The following PTPRD variants were observed in gnomAD, a reference collection of about 807,000 sequenced individuals.
PTPRD encodes the protein protein tyrosine phosphatase receptor type D, also known as receptor-type tyrosine-protein phosphatase delta.
PTPRD carries 34 observed loss-of-function variants against 214.5 expected under a neutral mutation model. The observed-to-expected ratio is 0.16, with a 90% confidence interval of 0.12 to 0.21. PTPRD has a LOEUF of 0.21. Among genes scored for constraint, PTPRD ranks in the 10% least tolerant of loss-of-function variants. The pLI is 1.00. For synonymous variants in PTPRD, 1,128 were observed against 845.7 expected (o/e 1.33, Z -5.79); for missense variants, 2,545 against 2,398.7 (o/e 1.06, Z -1.27).
intron 8 of PTPRD, among the ~76,000 whole-genome samples, chr9:9,407,883 G>C (rs1315772683): frequency 6.6e-6 from 1 of 151,668 alleles, no homozygotes; most frequent in Non-Finnish European, 1.5e-5. Context: ...TAATTATCTT[G>C]TAAAATTTTG....
At chr9:9,695,845 T>C (rs147900684) in intron 7 of PTPRD, among the ~76,000 whole-genome samples, 17 of 152,356 alleles carry the variant, frequency 1.1e-4, no homozygotes, top group African/African-American at 2.4e-4. Flanking sequence ...ATCAGGAATA[T>C]TGACCTGTAG....
At chr9:8,449,880 A>G (rs1180644461) in intron 33 of PTPRD, 43 bp from the exon 34 acceptor site, 3 of 1,582,236 alleles carry the variant, frequency 1.9e-6, no homozygotes, top group African/African-American at 2.7e-5. Flanking sequence ...AGAAAAATCA[A>G]TTGAAACAGA....
intron 11 of PTPRD, among the ~76,000 whole-genome samples, chr9:8,813,678 C>G (rs560908199): frequency 1.6e-4 from 24 of 152,324 alleles, no homozygotes; most frequent in African/African-American, 5.3e-4. Context: ...GGGCCTTCCT[C>G]CTCTCTCCTT....
chr9:8,493,186 A>T (rs2097186133), intron 26 of PTPRD, among the ~76,000 whole-genome samples: 1 of 152,202 alleles, frequency 6.6e-6, no homozygotes, highest in Admixed American at 6.5e-5. Flanking sequence ...CTTGGGAGGT[A>T]GATCTTAGGG....
intron 11 of PTPRD, among the ~76,000 whole-genome samples, chr9:8,949,093 G>A (rs1016151800): frequency 2.0e-5 from 3 of 151,354 alleles, no homozygotes; most frequent in Non-Finnish European, 3.0e-5. Flanking sequence ...GTGTAGTGGC[G>A]GGCACCTGTA....
chr9:9,524,904 C>CTGGA (rs1188703787), intron 8 of PTPRD, among the ~76,000 whole-genome samples: 1 of 152,204 alleles, frequency 6.6e-6, no homozygotes, highest in Admixed American at 6.5e-5. Context: ...GTTGCCCAGG[C>CTGGA]TGGAGTACAG....
At chr9:9,628,308 G>A (rs189871257) in intron 7 of PTPRD, among the ~76,000 whole-genome samples, 4 of 152,118 alleles carry the variant, frequency 2.6e-5, no homozygotes, top group Admixed American at 2.6e-4. Flanking sequence ...CTCTTACAGG[G>A]GCTTATTCCA....
intron 11 of PTPRD, among the ~76,000 whole-genome samples, chr9:8,786,033 TTGTGTGTG>T (rs34200290): frequency 9.1e-4 from 130 of 143,326 alleles, no homozygotes; most frequent in African/African-American, 3.3e-3. Flanking sequence ...GCTTAATTTG[TTGTGTGTG>T]TGTGTGTGTG....
intron 2 of PTPRD, among the ~76,000 whole-genome samples, chr9:10,400,056 C>A (rs1287239488): frequency 6.6e-6 from 1 of 151,722 alleles, no homozygotes; most frequent in Non-Finnish European, 1.5e-5. Flanking sequence ...TTAGTTATGT[C>A]CTATTTTATA....
At chr9:9,035,487 G>A (rs750270363) in intron 10 of PTPRD, among the ~76,000 whole-genome samples, 1 of 152,128 alleles carries the variant, frequency 6.6e-6, no homozygotes, top group Non-Finnish European at 1.5e-5. Context: ...GAAGGCAGGA[G>A]CCTAACATCA....
At chr9:10,202,497 G>T (rs2099430116) in intron 3 of PTPRD, among the ~76,000 whole-genome samples, 1 of 150,406 alleles carries the variant, frequency 6.6e-6, no homozygotes, top group East Asian at 2.0e-4. Flanking sequence ...AAAAAACTTT[G>T]CATCTTTTTA....
chr9:9,840,759 T>G (rs1478323608), intron 5 of PTPRD, among the ~76,000 whole-genome samples: 2 of 54,594 alleles, frequency 3.7e-5, no homozygotes, highest in Non-Finnish European at 5.6e-5. Flanking sequence ...AAGACTCCGT[T>G]TCAAAAAAAA....
intron 2 of PTPRD, among the ~76,000 whole-genome samples, chr9:10,367,966 C>A (rs2097544392): frequency 6.6e-6 from 1 of 151,988 alleles, no homozygotes; most frequent in Non-Finnish European, 1.5e-5. Flanking sequence ...TGAGTAACAG[C>A]CATTACTGTT....
chr9:9,402,446 C>A (rs10759059), intron 8 of PTPRD, among the ~76,000 whole-genome samples: 129,147 of 152,038 alleles, frequency 0.85, 54,969 homozygotes, highest in Non-Finnish European at 0.87. Flanking sequence ...CAAAAAATTT[C>A]TTCCTGTGTT....
At chr9:9,095,607 G>A (rs1486705154) in intron 10 of PTPRD, among the ~76,000 whole-genome samples, 3 of 152,054 alleles carry the variant, frequency 2.0e-5, no homozygotes, top group African/African-American at 7.3e-5. Context: ...TGGAATTATA[G>A]ACGAGCCACC....
At chr9:9,292,734 T>C (rs573200698) in intron 9 of PTPRD, among the ~76,000 whole-genome samples, 1 of 151,652 alleles carries the variant, frequency 6.6e-6, no homozygotes, top group South Asian at 2.1e-4. Context: ...TAGGTTCCTC[T>C]TGGCTGCGAC....
intron 10 of PTPRD, among the ~76,000 whole-genome samples, chr9:9,105,977 C>G (rs572443019): frequency 5.3e-5 from 8 of 152,074 alleles, no homozygotes; most frequent in Admixed American, 5.2e-4. Context: ...CTCTGTAGAC[C>G]TGCAGGGTCT....
chr9:9,788,592 C>G (rs901510247), intron 5 of PTPRD, among the ~76,000 whole-genome samples: 3 of 143,804 alleles, frequency 2.1e-5, no homozygotes, highest in African/African-American at 7.7e-5. Flanking sequence ...AAAACTAAAA[C>G]AGCTTTCTAA....
intron 3 of PTPRD, among the ~76,000 whole-genome samples, chr9:10,238,322 C>T (rs1247551586): frequency 1.3e-5 from 2 of 151,866 alleles, no homozygotes; most frequent in Non-Finnish European, 2.9e-5. Context: ...GACTCTAAGA[C>T]TAGTTTCCCC....
Sources: gnomAD v4.1 joint callset for allele counts (sites outside exome capture counted in the v4.1 genomes callset) on GRCh38, gnomAD v4.1.1 for gene constraint, MANE v1.5 for transcripts, NCBI Gene and HGNC (gene_info 2026-07-23, HGNC 2026-07-21) for gene names.